The following NOVA1 variants were observed in gnomAD, a reference collection of about 807,000 sequenced individuals.
NOVA1 encodes the protein NOVA alternative splicing regulator 1, also known as RNA-binding protein Nova-1.
NOVA1 carries 7 observed loss-of-function variants against 38.0 expected under a neutral mutation model. That is an observed-to-expected ratio of 0.18 (90% CI 0.10 to 0.35). NOVA1 has a LOEUF of 0.35. NOVA1 is among the 10% of genes least tolerant of loss of function. NOVA1 has a pLI of 1.00. For missense variants in NOVA1, 460 were observed against 616.0 expected, an observed-to-expected ratio of 0.75 and a Z score of 2.68; for synonymous variants, 270 against 232.5, an observed-to-expected ratio of 1.16 and a Z score of -1.47.
At chr14:26,472,148 C>T (rs1884632763) in intron 4 of NOVA1, 172 bp downstream of exon 4, 3 of 515,648 alleles carry the variant, frequency 5.8e-6, no homozygotes, top group Non-Finnish European at 7.0e-6. Flanking sequence ...ATTAAAAATG[C>T]ATATAAAATT....
chr14:26,445,619 G>C lies in NOVA1; in HGVS notation c.*2340C>G, dbSNP rs553060441. The C allele has an allele frequency of 6.6e-6, 1 of 152,086 alleles. No individual in the cohort carries two copies. Among genetic ancestry groups the C allele is most frequent in the East Asian group, 1.9e-4 (1 of 5,190 alleles). The allele number at this position is 152,086 out of a possible 1,614,324, so 9.4% of individuals were successfully genotyped here. A position where few individuals can be genotyped will look rare whatever the true frequency, so the allele number is the denominator to read the frequency against. ...GCATGGGCTCCACAGTGGACTACTGGAATTTTGAAATAAAAGATCGAAGAT... is the reference window on the plus strand; with the variant it reads ...GCATGGGCTCCACAGTGGACTACTGCAATTTTGAAATAAAAGATCGAAGAT... On this transcript the variant is annotated 3_prime_UTR_variant, in exon 5 of 5. Transcript: ENST00000539517.
At chr14:26,563,335 A>C (rs1429337427) in intron 2 of NOVA1, among the ~76,000 whole-genome samples, 1 of 151,632 alleles carries the variant, frequency 6.6e-6, no homozygotes, top group Non-Finnish European at 1.5e-5. Flanking sequence ...ATTAAAAAAA[A>C]AAAACAGTAA....
At chr14:26,492,301 C>T (rs553393367) in intron 2 of NOVA1, among the ~76,000 whole-genome samples, 16 of 152,202 alleles carry the variant, frequency 1.1e-4, no homozygotes, top group East Asian at 7.7e-4. Flanking sequence ...AGATGTCATC[C>T]GCAAATAGAG....
intron 2 of NOVA1, among the ~76,000 whole-genome samples, chr14:26,583,678 G>C (rs1044826910): frequency 6.6e-6 from 1 of 151,178 alleles, no homozygotes; most frequent in Non-Finnish European, 1.5e-5. Context: ...AATTTGATAA[G>C]GGTATTAATT....
chr14:26,541,182 T>TTTA (rs1890444580), intron 2 of NOVA1, among the ~76,000 whole-genome samples: 1 of 152,116 alleles, frequency 6.6e-6, no homozygotes, highest in Non-Finnish European at 1.5e-5. Context: ...TCTGTCATAC[T>TTTA]TTAAAGCACA....
At position 26,448,882 on chromosome 14, in the gene NOVA1, A is replaced by G; in HGVS notation, c.601T>C (p.Ser201Pro). The change falls in exon 5 of 5, where the codon TCA (serine) becomes CCA (proline). Residue 201 changes from serine (S) to proline (P), a missense_variant. Transcript: ENST00000539517. This position sits in a 1 kb window ranked among gnomAD's most constrained non-coding sequence, Gnocchi z 5.3. ...GATVKAVMEQ[S>P]GAWVQLSQKP... ...TGGGAAAGCTGCACCCAAGCCCCTG[A>G]CTGCTCCATTACAGCCTTCACAGTA... 6.2e-7 allele frequency: 1 copy of G among 1,614,046 alleles called. No individual in the cohort carries two copies. The highest frequency in any genetic ancestry group is 8.5e-7 in the Non-Finnish European group (1 of 1,180,018).
intron 2 of NOVA1, among the ~76,000 whole-genome samples, chr14:26,537,582 A>G (rs1306916219): frequency 6.6e-6 from 1 of 152,154 alleles, no homozygotes; most frequent in African/African-American, 2.4e-5. Context: ...ATTATAACAA[A>G]TGGTTAATGC....
chr14:26,511,073 G>A (rs924083099), intron 2 of NOVA1, among the ~76,000 whole-genome samples: 7 of 25,998 alleles, frequency 2.7e-4, no homozygotes, highest in Non-Finnish European at 1.1e-3. Flanking sequence ...CCATAAGAAC[G>A]TAGCCCCATG....
At chr14:26,474,576 C>G (rs950006493) in intron 3 of NOVA1, among the ~76,000 whole-genome samples, 1 of 151,638 alleles carries the variant, frequency 6.6e-6, no homozygotes, top group Non-Finnish European at 1.5e-5. Context: ...TCAAAATTAT[C>G]CCTAATAATT....
chr14:26,480,026 A>C lies in NOVA1; in HGVS notation c.398T>G (p.Val133Gly). The C allele has an allele frequency of 6.2e-7, 1 of 1,614,024 alleles. No individual in the cohort carries two copies. Among genetic ancestry groups the C allele is most frequent in the Non-Finnish European group, 8.5e-7 (1 of 1,179,992 alleles). ...MPQNVAKTEP[V>G]SILQPQTTVN... ...GGTGGTCTGGGGTTGTAGAATGCTGACTGGTTCTGTCTTGGCCACATTTTG... is the reference window on the plus strand; with the variant it reads ...GGTGGTCTGGGGTTGTAGAATGCTGCCTGGTTCTGTCTTGGCCACATTTTG... Residue 133 changes from valine to glycine, a missense_variant, in exon 3 of 5, where the codon GTC becomes GGC. Physicochemically the swap from Val to Gly is moderately radical, Grantham distance 109. Transcript: ENST00000539517.
intron 2 of NOVA1, among the ~76,000 whole-genome samples, chr14:26,584,617 T>C (rs1893412119): frequency 6.6e-6 from 1 of 151,380 alleles, no homozygotes; most frequent in Admixed American, 6.6e-5. Flanking sequence ...ATATCCACTT[T>C]TTATCCAATC....
At chr14:26,549,621 T>A (rs1891044559) in intron 2 of NOVA1, 1 of 664,838 alleles carries the variant, frequency 1.5e-6, no homozygotes, top group Non-Finnish European at 2.3e-6. Flanking sequence ...GTTTCCCAGT[T>A]ATTTGTTATT....
chr14:26,563,792 G>A (rs1891968282), intron 2 of NOVA1, among the ~76,000 whole-genome samples: 1 of 152,032 alleles, frequency 6.6e-6, no homozygotes, highest in Non-Finnish European at 1.5e-5. Context: ...TCTAGCACTG[G>A]AGAAACAGTA....
intron 3 of NOVA1, among the ~76,000 whole-genome samples, chr14:26,477,177 C>T (rs1262527522): frequency 6.6e-6 from 1 of 152,100 alleles, no homozygotes; most frequent in South Asian, 2.1e-4. Flanking sequence ...TTAGTAAATT[C>T]ATAATTATTC....
intron 2 of NOVA1, among the ~76,000 whole-genome samples, chr14:26,498,580 T>C (rs1204013589): frequency 6.6e-6 from 1 of 152,158 alleles, no homozygotes. Context: ...CTTTTCCTAC[T>C]GTTAAGCCAT....
rs1463312187 is a variant in NOVA1 at position 26,578,564 on chromosome 14, T to C, written c.280+16846A>G. On this transcript the variant is annotated intron_variant, in intron 2 of 4. Coordinates refer to ENST00000539517, the MANE Select transcript of NOVA1 (RefSeq NM_002515.3). Reference sequence around the variant, plus strand: ...TAACAAAATAGTAAAAGTATTCAGATACTCATATACTTAGGTAGGTAGATC... The same window carrying C: ...TAACAAAATAGTAAAAGTATTCAGACACTCATATACTTAGGTAGGTAGATC... Among the ~76,000 whole-genome samples the C allele has an allele frequency of 2.6e-5, 4 of 152,282 alleles. No individual in the cohort carries two copies. The East Asian group carries it at 7.7e-4, about 29-fold the overall frequency.
At chr14:26,498,240 G>C (rs1051338716) in intron 2 of NOVA1, among the ~76,000 whole-genome samples, 5 of 145,496 alleles carry the variant, frequency 3.4e-5, no homozygotes, top group African/African-American at 1.3e-4. Flanking sequence ...TTTTTTTTTT[G>C]TATTTTTAGT....
chr14:26,476,326 T>C (rs930331402), intron 3 of NOVA1, among the ~76,000 whole-genome samples: 1 of 152,164 alleles, frequency 6.6e-6, no homozygotes, highest in Non-Finnish European at 1.5e-5. Context: ...CTTCTTTTTT[T>C]TCCCCCCCAA....
intron 2 of NOVA1, among the ~76,000 whole-genome samples, chr14:26,554,697 T>A (rs1300477969): frequency 6.6e-6 from 1 of 152,140 alleles, no homozygotes; most frequent in Non-Finnish European, 1.5e-5. Flanking sequence ...TAATTCACCA[T>A]CCCAATTCAT....
Sources: allele counts gnomAD v4.1 joint callset (sites outside exome capture counted in the v4.1 genomes callset), GRCh38; gene constraint gnomAD v4.1.1; non-coding constraint Gnocchi (gnomAD v3.1); transcripts MANE v1.5; gene names NCBI Gene and HGNC (gene_info 2026-07-23, HGNC 2026-07-21).